The following RANBP2 variants were observed in gnomAD, a reference collection of about 807,000 sequenced individuals.
RANBP2 encodes E3 SUMO-protein ligase RanBP2.
A neutral mutation model predicts 303.6 loss-of-function variants in RANBP2; 57 were observed. That is an observed-to-expected ratio of 0.19 (90% CI 0.15 to 0.23). RANBP2 has a LOEUF of 0.23. RANBP2 is among the 10% of genes least tolerant of loss of function. The pLI is 1.00. For synonymous variants in RANBP2, 1,167 were observed against 1,301.5 expected, an observed-to-expected ratio of 0.90 and a Z score of 2.23; for missense variants, 3,138 against 3,780.8, an observed-to-expected ratio of 0.83 and a Z score of 4.46.
the RANBP2 span, among the ~76,000 whole-genome samples, chr2:108,840,318 G>A: frequency 1.5e-4 from 23 of 151,926 alleles, no homozygotes; most frequent in Non-Finnish European, 2.9e-4. Context: ...ACTCTCTTTG[G>A]TTTTGTATCA....
the RANBP2 span, among the ~76,000 whole-genome samples, chr2:109,225,680 C>G: frequency 7.2e-5 from 11 of 152,362 alleles, no homozygotes; most frequent in Non-Finnish European, 1.6e-4. Context: ...CTGTAAATAT[C>G]AGGAACAGAG....
chr2:109,037,270 A>G, the RANBP2 span, among the ~76,000 whole-genome samples: 1,026 of 150,100 alleles, frequency 6.8e-3, 6 homozygotes, highest in East Asian at 0.035. Context: ...GCTGCAGTGA[A>G]CCATAATTGT....
the RANBP2 span, among the ~76,000 whole-genome samples, chr2:109,567,248 C>T: frequency 6.6e-6 from 1 of 152,158 alleles, no homozygotes; most frequent in African/African-American, 2.4e-5. Flanking sequence ...ATATGGCCAA[C>T]CAAGCCTGTC....
the RANBP2 span, among the ~76,000 whole-genome samples, chr2:109,536,170 C>T: frequency 6.6e-6 from 1 of 152,050 alleles, no homozygotes; most frequent in African/African-American, 2.4e-5. Context: ...AGAAAAGGAC[C>T]ACCATCCTCC....
chr2:108,724,704 TTTG>T (rs1474106773), intron 1 of RANBP2, among the ~76,000 whole-genome samples: 1 of 152,020 alleles, frequency 6.6e-6, no homozygotes, highest in Non-Finnish European at 1.5e-5. Flanking sequence ...ATTCTCCTCT[TTTG>T]TTTGTTCTGC....
At chr2:108,933,258 G>A in the RANBP2 span, among the ~76,000 whole-genome samples, 1 of 152,202 alleles carries the variant, frequency 6.6e-6, no homozygotes, top group Non-Finnish European at 1.5e-5. Context: ...AAATCGGGTG[G>A]GGGTGACCAA....
chr2:109,138,441 G>A, the RANBP2 span, among the ~76,000 whole-genome samples: 2 of 152,256 alleles, frequency 1.3e-5, no homozygotes, highest in South Asian at 2.1e-4. Context: ...GACAGTTGCT[G>A]TTGTTGCTGG....
the RANBP2 span, chr2:108,923,367 C>G: frequency 1.2e-6 from 2 of 1,614,036 alleles, no homozygotes; most frequent in South Asian, 2.2e-5. Context: ...AAGACACTCA[C>G]ATTCCTTGGT....
chr2:109,246,649 T>C, the RANBP2 span, among the ~76,000 whole-genome samples: 3,070 of 152,286 alleles, frequency 0.02, 111 homozygotes, highest in African/African-American at 0.069. Flanking sequence ...GCACGTGTCT[T>C]ATTTGACCTG....
At chr2:109,151,332 A>G in the RANBP2 span, among the ~76,000 whole-genome samples, 1 of 152,202 alleles carries the variant, frequency 6.6e-6, no homozygotes, top group Non-Finnish European at 1.5e-5. Context: ...CTGTGCCTAC[A>G]CGTCTCAGAA....
At chr2:108,888,465 G>T in the RANBP2 span, among the ~76,000 whole-genome samples, 4 of 151,938 alleles carry the variant, frequency 2.6e-5, no homozygotes, top group Admixed American at 1.3e-4. Context: ...TGTATGTTTG[G>T]TAGGATTCAG....
chr2:108,788,473 C>T (rs1403803863), downstream of RANBP2, among the ~76,000 whole-genome samples: 3 of 151,692 alleles, frequency 2.0e-5, no homozygotes, highest in East Asian at 5.9e-4. Context: ...AATCCCAGCA[C>T]TTTGGGAGGC....
chr2:109,435,053 T>C, the RANBP2 span, among the ~76,000 whole-genome samples: 1 of 152,130 alleles, frequency 6.6e-6, no homozygotes, highest in South Asian at 2.1e-4. Flanking sequence ...GTCTGTGTTT[T>C]CCAAAGAATG....
chr2:109,040,536 T>C, the RANBP2 span, among the ~76,000 whole-genome samples: 1 of 152,242 alleles, frequency 6.6e-6, no homozygotes, highest in African/African-American at 2.4e-5. Context: ...GCATTAAATC[T>C]AGATTAATTT....
At chr2:109,620,707 A>C in the RANBP2 span, among the ~76,000 whole-genome samples, 1 of 152,220 alleles carries the variant, frequency 6.6e-6, no homozygotes, top group Non-Finnish European at 1.5e-5. Context: ...CTCAAAAAAA[A>C]AATAGAAAGA....
At chr2:109,433,043 C>T in the RANBP2 span, among the ~76,000 whole-genome samples, 4 of 152,232 alleles carry the variant, frequency 2.6e-5, no homozygotes, top group South Asian at 2.1e-4. Flanking sequence ...AGTGTGTGCA[C>T]GCTTCTGTGT....
chr2:108,736,061 A>G (rs1192362207), intron 5 of RANBP2, 43 bp from the exon 6 acceptor site: 8 of 1,611,724 alleles, frequency 5.0e-6, no homozygotes, highest in South Asian at 2.2e-5. Flanking sequence ...ATTTCTTAAC[A>G]TTTGATTAAG....
chr2:108,957,873 G>T, the RANBP2 span, among the ~76,000 whole-genome samples: 3 of 152,254 alleles, frequency 2.0e-5, no homozygotes, highest in Admixed American at 6.5e-5. Context: ...TAACGTTTTT[G>T]ATCTTTATTA....
chr2:108,899,111 A>T, the RANBP2 span, among the ~76,000 whole-genome samples: 7,379 of 152,312 alleles, frequency 0.048, 572 homozygotes, highest in African/African-American at 0.17. Flanking sequence ...AAATATATTC[A>T]TGTCAAGATA....
Sources: gnomAD v4.1 joint callset for allele counts (sites outside exome capture counted in the v4.1 genomes callset) on GRCh38, gnomAD v4.1.1 for gene constraint, MANE v1.5 for transcripts, NCBI Gene and HGNC (gene_info 2026-07-23, HGNC 2026-07-21) for gene names.